The following CNTNAP2 variants were observed in gnomAD, a reference collection of about 807,000 sequenced individuals.
CNTNAP2 encodes contactin-associated protein-like 2.
A neutral mutation model predicts 155.2 loss-of-function variants in CNTNAP2; 98 were observed. That is an observed-to-expected ratio of 0.63 (90% CI 0.54 to 0.75). The LOEUF is 0.75. Ranked by LOEUF, CNTNAP2 falls within the 30% of genes least tolerant of loss-of-function variation. The pLI is 0.00. For missense variants in CNTNAP2, 1,727 were observed against 1,688.1 expected (o/e 1.02, Z -0.40); for synonymous variants, 651 against 631.2 (o/e 1.03, Z -0.47).
intron 1 of CNTNAP2, among the ~76,000 whole-genome samples, chr7:146,723,047 A>C (rs964220632): frequency 1.3e-5 from 2 of 152,130 alleles, no homozygotes; most frequent in Non-Finnish European, 2.9e-5. Context: ...TATATGTTGA[A>C]GTCCTAAACC....
At chr7:147,472,348 G>C (rs1798240066) in intron 10 of CNTNAP2, among the ~76,000 whole-genome samples, 1 of 151,600 alleles carries the variant, frequency 6.6e-6, no homozygotes, top group South Asian at 2.1e-4. Flanking sequence ...GTGTAGCTGG[G>C]ATTACAGGCA....
intron 3 of CNTNAP2, among the ~76,000 whole-genome samples, chr7:146,857,421 G>A (rs1051365685): frequency 3.3e-5 from 5 of 152,076 alleles, no homozygotes; most frequent in East Asian, 1.9e-4. Flanking sequence ...GCTTGTATTC[G>A]TTTGTTTGTT....
At position 146,861,052 on chromosome 7, in the gene CNTNAP2, CTTTG is replaced by C. The variant is rs1015759446; in HGVS notation, c.402+21157_402+21160del. The stretch of plus-strand genomic sequence containing the variant: ...TCCGTTTTAATTTATTTTCTTTTTT[CTTTG>C]TTTGTTTGGTTTTTTGTTTTTTGAG... On this transcript the variant is annotated intron_variant, in intron 3 of 23. Coordinates refer to ENST00000361727, the MANE Select transcript of CNTNAP2 (RefSeq NM_014141.6). 9.2e-5 allele frequency among the ~76,000 whole-genome samples: 14 copies of C among 151,484 alleles called. No homozygotes were observed. In the South Asian group the frequency reaches 1.5e-3, roughly 16 times the overall value.
chr7:147,162,995 C>T (rs1184072073), intron 8 of CNTNAP2, among the ~76,000 whole-genome samples: 3 of 152,044 alleles, frequency 2.0e-5, no homozygotes, highest in African/African-American at 4.8e-5. Flanking sequence ...CTTCTCGTGG[C>T]GATGATAAAC....
chr7:148,350,650 A>G (rs1429860580), intron 21 of CNTNAP2, among the ~76,000 whole-genome samples: 6 of 152,162 alleles, frequency 3.9e-5, no homozygotes, highest in Admixed American at 3.3e-4. Context: ...TAGTTATATC[A>G]TTAGTTATTA....
intron 21 of CNTNAP2, among the ~76,000 whole-genome samples, chr7:148,283,421 T>C (rs1392572681): frequency 6.6e-6 from 1 of 152,136 alleles, no homozygotes; most frequent in Non-Finnish European, 1.5e-5. Context: ...TCATTATTAT[T>C]ATACATTTCA....
chr7:147,608,314 G>T (rs1440085246), intron 12 of CNTNAP2, among the ~76,000 whole-genome samples: 1 of 151,228 alleles, frequency 6.6e-6, no homozygotes. Context: ...TATAAATATT[G>T]TAAGTAAAGG....
intron 1 of CNTNAP2, among the ~76,000 whole-genome samples, chr7:146,562,654 T>C (rs1584982814): frequency 6.6e-6 from 1 of 152,304 alleles, no homozygotes; most frequent in East Asian, 1.9e-4. Flanking sequence ...CTACTGTGCA[T>C]GTCCTTGAAA....
intron 1 of CNTNAP2, among the ~76,000 whole-genome samples, chr7:146,534,030 A>C (rs801932): frequency 0.45 from 68,058 of 151,838 alleles, 17,292 homozygotes; most frequent in African/African-American, 0.71. Context: ...AAGTTCTACA[A>C]ATGAGTCCTC....
intron 21 of CNTNAP2, among the ~76,000 whole-genome samples, chr7:148,374,170 A>T (rs1730401): frequency 0.71 from 108,514 of 151,786 alleles, 39,957 homozygotes; most frequent in Admixed American, 0.81. Context: ...ATGTTTATGC[A>T]TTCATGCGAT....
At chr7:146,747,624 C>G (rs548771877) in intron 1 of CNTNAP2, among the ~76,000 whole-genome samples, 61 of 152,086 alleles carry the variant, frequency 4.0e-4, no homozygotes, top group Middle Eastern at 3.4e-3. Context: ...AAATGAAAGG[C>G]AAAGATCAAA....
chr7:146,828,256 T>C (rs1803445146), intron 2 of CNTNAP2, among the ~76,000 whole-genome samples: 1 of 152,020 alleles, frequency 6.6e-6, no homozygotes, highest in Admixed American at 6.6e-5. Flanking sequence ...AATAACATGG[T>C]GTAAATAAAT....
At chr7:146,174,607 G>A (rs1002770977) in intron 1 of CNTNAP2, among the ~76,000 whole-genome samples, 4 of 152,084 alleles carry the variant, frequency 2.6e-5, no homozygotes, top group Admixed American at 2.6e-4. Context: ...GGAGGCTGAG[G>A]CTGGCGGATC....
chr7:146,463,570 A>G (rs1400837275), intron 1 of CNTNAP2, among the ~76,000 whole-genome samples: 1 of 152,132 alleles, frequency 6.6e-6, no homozygotes, highest in Non-Finnish European at 1.5e-5. Context: ...ACACACATAT[A>G]CGTACATATA....
chr7:146,151,639 T>G (rs1390903632), intron 1 of CNTNAP2, among the ~76,000 whole-genome samples: 1 of 16,130 alleles, frequency 6.2e-5, no homozygotes, highest in Non-Finnish European at 1.3e-4. Context: ...AAACGTGATA[T>G]ATATATATAT....
chr7:146,401,399 G>C (rs539368828), intron 1 of CNTNAP2, among the ~76,000 whole-genome samples: 20 of 152,166 alleles, frequency 1.3e-4, no homozygotes, highest in African/African-American at 4.8e-4. Context: ...AAATGGAAAA[G>C]AACAAAGGCA....
chr7:147,543,955 ATTAGTT>A (rs1299543094), intron 11 of CNTNAP2, among the ~76,000 whole-genome samples: 1 of 152,210 alleles, frequency 6.6e-6, no homozygotes, highest in Non-Finnish European at 1.5e-5. Context: ...GTTATTATTT[ATTAGTT>A]TTAAACACAA....
intron 9 of CNTNAP2, among the ~76,000 whole-genome samples, chr7:147,372,818 C>A (rs1279288518): frequency 6.6e-6 from 1 of 151,926 alleles, no homozygotes; most frequent in African/African-American, 2.4e-5. Flanking sequence ...AAGACTCCAC[C>A]TACCTGTGCA....
intron 12 of CNTNAP2, among the ~76,000 whole-genome samples, chr7:147,612,770 C>G (rs113335702): frequency 6.6e-6 from 1 of 152,110 alleles, no homozygotes; most frequent in Non-Finnish European, 1.5e-5. Flanking sequence ...TATCTGTGTT[C>G]TTAAACTTTA....
Sources: gnomAD v4.1 joint callset for allele counts (sites outside exome capture counted in the v4.1 genomes callset) on GRCh38, gnomAD v4.1.1 for gene constraint, MANE v1.5 for transcripts, NCBI Gene and HGNC (gene_info 2026-07-23, HGNC 2026-07-21) for gene names.